SLC2A12: variants seen among roughly 807,000 people sequenced by gnomAD.
SLC2A12 encodes solute carrier family 2, facilitated glucose transporter member 12.
A neutral mutation model predicts 41.8 loss-of-function variants in SLC2A12; 23 were observed. The observed-to-expected ratio is 0.55, with a 90% CI of 0.40 to 0.78. The LOEUF is 0.78. SLC2A12 is among the 30% of genes least tolerant of loss of function. The probability of loss-of-function intolerance (pLI) is 0.00; values close to 1 mark genes in which losing one functional copy is unlikely to be tolerated. For synonymous variants in SLC2A12, 295 were observed against 285.9 expected, an observed-to-expected ratio of 1.03 and a Z score of -0.32; for missense variants, 654 against 745.6, an observed-to-expected ratio of 0.88 and a Z score of 1.43.
At chr6:133,998,549 TG>T (rs772839373) in intron 4 of SLC2A12, among the ~76,000 whole-genome samples, 13 of 152,366 alleles carry the variant, frequency 8.5e-5, no homozygotes, top group Middle Eastern at 3.4e-3. Flanking sequence ...TTTTTGTGTG[TG>T]TGTGCTTTTG....
intron 4 of SLC2A12, among the ~76,000 whole-genome samples, chr6:133,995,263 A>C (rs1776673046): frequency 6.9e-6 from 1 of 144,688 alleles, no homozygotes; most frequent in Non-Finnish European, 1.5e-5. Flanking sequence ...TGTGCTGATG[A>C]GGAGTAGGTA....
chr6:134,022,559 A>AAAAG (rs1777057645), intron 2 of SLC2A12, among the ~76,000 whole-genome samples: 1 of 81,992 alleles, frequency 1.2e-5, no homozygotes, highest in South Asian at 3.1e-4. Context: ...AAAAGAAAAG[A>AAAAG]AAAGAAAAGA....
rs535879785 is a variant in SLC2A12, at chr6:134,011,689, G to A, written c.1445-4755C>T. Among the ~76,000 whole-genome samples the A allele has an allele frequency of 8.6e-5, 13 of 151,616 alleles. No individual in the cohort carries two copies. In the South Asian group the frequency reaches 1.5e-3, roughly 17 times the overall value. On this transcript the variant is annotated intron_variant, in intron 2 of 4. Transcript: ENST00000275230. ...CGAGGCTGCAGTGAGCCATGATCAC[G>A]CCACTGCACTACAGCCCAAGTGTCA...
chr6:134,050,110 T>C (rs1050640916), intron 1 of SLC2A12, among the ~76,000 whole-genome samples: 1 of 152,196 alleles, frequency 6.6e-6, no homozygotes, highest in African/African-American at 2.4e-5. Flanking sequence ...CTTCATAAAA[T>C]AGATGAAGAT....
At chr6:134,041,085 G>C (rs1376093451) in intron 1 of SLC2A12, among the ~76,000 whole-genome samples, 1 of 151,830 alleles carries the variant, frequency 6.6e-6, no homozygotes, top group Admixed American at 6.6e-5. Flanking sequence ...TCCACTTTTT[G>C]GTCCCCTGAT....
intron 2 of SLC2A12, among the ~76,000 whole-genome samples, chr6:134,020,399 T>G (rs1458889095): frequency 1.3e-5 from 2 of 152,182 alleles, no homozygotes; most frequent in African/African-American, 4.8e-5. Context: ...CACATCAGCT[T>G]AATAAGTTTG....
At chr6:133,995,698 G>A (rs558492896) in intron 4 of SLC2A12, among the ~76,000 whole-genome samples, 2 of 152,146 alleles carry the variant, frequency 1.3e-5, no homozygotes, top group Non-Finnish European at 1.5e-5. Flanking sequence ...CACTTACTAT[G>A]GCACACTTTA....
At chr6:134,038,674 C>CCTT (rs1777338780) in intron 1 of SLC2A12, among the ~76,000 whole-genome samples, 1 of 136,440 alleles carries the variant, frequency 7.3e-6, no homozygotes, top group Admixed American at 7.3e-5. Context: ...TTCTGCTCTT[C>CCTT]CTTTTATCCT....
At chr6:134,011,587 A>G (rs1438584993) in intron 2 of SLC2A12, among the ~76,000 whole-genome samples, 1 of 152,132 alleles carries the variant, frequency 6.6e-6, no homozygotes, top group African/African-American at 2.4e-5. Context: ...TAAAAATATG[A>G]TCTTAAATTG....
intron 1 of SLC2A12, among the ~76,000 whole-genome samples, chr6:134,032,222 G>A (rs1320674101): frequency 6.6e-6 from 1 of 151,530 alleles, no homozygotes. Context: ...GGGGAAAAAA[G>A]CACTGAATAT....
intron 4 of SLC2A12, among the ~76,000 whole-genome samples, chr6:133,996,769 A>G (rs1294689448): frequency 1.3e-5 from 2 of 152,202 alleles, no homozygotes; most frequent in African/African-American, 4.8e-5. Context: ...AGCAGGTTCC[A>G]TGGGCTTTCT....
intron 3 of SLC2A12, 94 bp from the exon 4 acceptor site, chr6:134,002,223 G>T: frequency 1.5e-6 from 2 of 1,328,682 alleles, no homozygotes; most frequent in Non-Finnish European, 2.1e-6. Context: ...AGCACCATAT[G>T]TATTTTCAAA....
chr6:134,024,573 C>T (rs1328416378), intron 2 of SLC2A12, among the ~76,000 whole-genome samples: 1 of 152,240 alleles, frequency 6.6e-6, no homozygotes, highest in Non-Finnish European at 1.5e-5. Context: ...AGGCTGTCTA[C>T]AGATTACCCA....
chr6:134,051,077 G>T (rs1163844650), intron 1 of SLC2A12, among the ~76,000 whole-genome samples: 2 of 152,068 alleles, frequency 1.3e-5, no homozygotes, highest in Non-Finnish European at 2.9e-5. Context: ...ACTATGCTCA[G>T]CTAATTTTTT....
chr6:134,025,378 G>A (rs376168457), intron 2 of SLC2A12, among the ~76,000 whole-genome samples: 128 of 152,166 alleles, frequency 8.4e-4, no homozygotes, highest in African/African-American at 2.7e-3. Context: ...TTCTTATCAG[G>A]CTTGTTTTGA....
chr6:134,038,700 C>CTT lies in SLC2A12; in HGVS notation c.104-8981_104-8980dup, dbSNP rs200794350. ...CTTTTATCCTTTCTTCCTTTCTTTC[C>CTT]TTTTTTTTTTTTTTTTTTTTTTTTT... On this transcript the variant is annotated intron_variant, in intron 1 of 4. Coordinates refer to ENST00000275230, the MANE Select transcript of SLC2A12 (RefSeq NM_145176.3). 9.4e-3 allele frequency among the ~76,000 whole-genome samples: 774 copies of CTT among 82,096 alleles called. 130 individuals carry two copies. The highest frequency in any genetic ancestry group is 0.039 in the African/African-American group (607 of 15,700). 53.9% of individuals were successfully genotyped at this position (82,096 alleles called of 152,430 possible).
chr6:134,009,713 C>T (rs980268904), intron 2 of SLC2A12, among the ~76,000 whole-genome samples: 23 of 146,740 alleles, frequency 1.6e-4, no homozygotes, highest in Non-Finnish European at 5.9e-5. Flanking sequence ...GGTGTGGTGG[C>T]ACATGCCCGT....
At chr6:134,004,431 C>T (rs1308354725) in intron 3 of SLC2A12, among the ~76,000 whole-genome samples, 1 of 152,042 alleles carries the variant, frequency 6.6e-6, no homozygotes, top group East Asian at 1.9e-4. Flanking sequence ...AGTGGATATA[C>T]TAAATATATA....
At position 134,028,398 on chromosome 6, in the gene SLC2A12, GA is replaced by G. The variant is rs1217681816; in HGVS notation, c.1426del (p.Ser476GlnfsTer4). 1 of 1,612,362 alleles carries G rather than the reference GA, an allele frequency of 6.2e-7. No individual in the cohort carries two copies. Among genetic ancestry groups the G allele is most frequent in the Non-Finnish European group, 8.5e-7 (1 of 1,179,268 alleles). The part of the protein sequence containing the change: ...ASLLVYVAAF[S>X]IGLGPMPWLV... Reference sequence around the variant, plus strand: ...GTACTTACTTGGTCCTAGACCAATTGAAAAAGCAGCAACATAAACAAGCAAG... The same window carrying G: ...GTACTTACTTGGTCCTAGACCAATTGAAAAGCAGCAACATAAACAAGCAAG... On this transcript the variant is annotated frameshift_variant, in exon 2 of 5. Transcript: ENST00000275230. LOFTEE classifies it high-confidence loss of function.
Sources: allele counts gnomAD v4.1 joint callset (sites outside exome capture counted in the v4.1 genomes callset), GRCh38; gene constraint gnomAD v4.1.1; transcripts MANE v1.5; gene names NCBI Gene and HGNC (gene_info 2026-07-23, HGNC 2026-07-21).